Variants in CDHR3 observed in about 807,000 individuals in gnomAD.
CDHR3 encodes cadherin-related family member 3.
A neutral mutation model predicts 86.6 loss-of-function variants in CDHR3; 79 were observed. That is an observed-to-expected ratio of 0.91 (90% confidence interval 0.76 to 1.10). The LOEUF (loss-of-function observed/expected upper bound fraction) is 1.10, where lower values mean the gene tolerates loss of function less well. CDHR3 is among the 50% of genes least tolerant of loss of function. The pLI, the probability that CDHR3 is intolerant of heterozygous loss-of-function variation, is 0.00. For missense variants in CDHR3, 1,081 were observed against 1,077.6 expected, an observed-to-expected ratio of 1.00 and a Z score of -0.04; for synonymous variants, 421 against 402.4, an observed-to-expected ratio of 1.05 and a Z score of -0.55.
intron 8 of CDHR3, among the ~76,000 whole-genome samples, 192 bp from the exon 9 acceptor site, chr7:106,012,661 CCCTCTGG>C (rs1159245913): frequency 6.6e-6 from 1 of 152,150 alleles, no homozygotes; most frequent in Non-Finnish European, 1.5e-5. Context: ...TTAGCAGGAT[CCCTCTGG>C]CCGCTGTGTT....
Position 106,036,381 on chromosome 7 carries a change from A to G in CDHR3, c.*3684A>G, listed in dbSNP as rs1838925902. 6.6e-6 allele frequency: 1 copy of G among 152,234 alleles called. No individual in the cohort carries two copies. The highest frequency in any genetic ancestry group is 2.4e-5 in the African/African-American group (1 of 41,460). The allele number at this position is 152,234 out of a possible 1,614,324, so 9.4% of individuals were successfully genotyped here. A position where few individuals can be genotyped will look rare whatever the true frequency, so the allele number is the denominator to read the frequency against. On this transcript the variant is annotated 3_prime_UTR_variant, in exon 19 of 19. Coordinates refer to ENST00000317716, the MANE Select transcript of CDHR3 (RefSeq NM_152750.5). ...ACTTAGGATTTCTCATTTCAAACTT[A>G]GCGTGTGTTTATCCTTCGTATTCAT...
At chr7:105,990,249 A>G (rs376471848) in intron 4 of CDHR3, among the ~76,000 whole-genome samples, 4 of 152,328 alleles carry the variant, frequency 2.6e-5, no homozygotes, top group East Asian at 3.9e-4. Context: ...TGCATTTGTC[A>G]TCGTGTCTCT....
At chr7:105,988,601 C>T (rs1440944283) in intron 4 of CDHR3, among the ~76,000 whole-genome samples, 1 of 152,196 alleles carries the variant, frequency 6.6e-6, no homozygotes, top group Admixed American at 6.5e-5. Context: ...AACTGTATCA[C>T]AGTTAATGAA....
chr7:105,993,142 C>G (rs1816852887), intron 4 of CDHR3, among the ~76,000 whole-genome samples: 1 of 152,158 alleles, frequency 6.6e-6, no homozygotes, highest in Non-Finnish European at 1.5e-5. Context: ...ATCCAGAGAT[C>G]TAAGGCCTTG....
At chr7:106,027,385 A>G (rs1837522283) in intron 16 of CDHR3, among the ~76,000 whole-genome samples, 1 of 131,390 alleles carries the variant, frequency 7.6e-6, no homozygotes, top group African/African-American at 3.0e-5. Context: ...CGACATAGTG[A>G]GACTCTGTCT....
At position 105,998,789 on chromosome 7, in the gene CDHR3, AAAAAAG is replaced by A. The variant is rs923596568; in HGVS notation, c.713+2453_713+2458del. The stretch of plus-strand genomic sequence containing the variant: ...ACAAGACCAGAACTCCATCTCAAAC[AAAAAAG>A]AAAAAGAAAAAGAAAAAAAAAAAGC... On this transcript the variant is annotated intron_variant, in intron 6 of 18. Transcript: ENST00000317716. Among the ~76,000 whole-genome samples the A allele has an allele frequency of 3.9e-5, 6 of 152,132 alleles. No homozygotes were observed. The East Asian group carries it at 9.6e-4, about 24-fold the overall frequency.
rs199651690 is a variant in CDHR3, at chr7:106,012,976, G to A, written c.1169G>A (p.Gly390Glu). The A allele has an allele frequency of 2.8e-5, 45 of 1,613,450 alleles. No individual in the cohort carries two copies. In the Admixed American group the frequency reaches 4.5e-4, roughly 16 times the overall value. ...AGATTCAACTTCACCATGCCATCTGGAGTGGGGAGCGGCAGCAGATTTTTA... is the reference window on the plus strand; with the variant it reads ...AGATTCAACTTCACCATGCCATCTGAAGTGGGGAGCGGCAGCAGATTTTTA... Reference protein sequence around the residue: ...NNRFNFTMPSGVGSGSRFLQD... With the variant: ...NNRFNFTMPSEVGSGSRFLQD... The change falls in exon 9 of 19, where the codon GGA (glycine) becomes GAA (glutamate). Residue 390 changes from glycine to glutamate, a missense_variant. Transcript: ENST00000317716.
chr7:105,980,888 G>T, intron 2 of CDHR3, 80 bp from the exon 3 acceptor site: 1 of 1,312,418 alleles, frequency 7.6e-7, no homozygotes. Flanking sequence ...TCCTTCCTAG[G>T]AATATCCCTT....
intron 1 of CDHR3, among the ~76,000 whole-genome samples, chr7:105,965,567 A>ACCCCCCCCCCCC (rs56177648): frequency 1.3e-5 from 1 of 78,268 alleles, no homozygotes; most frequent in African/African-American, 3.9e-5. Flanking sequence ...CTCAAGCCCC[A>ACCCCCCCCCCCC]CCCCCCCCCA....
intron 6 of CDHR3, among the ~76,000 whole-genome samples, chr7:105,997,344 G>C (rs113742696): frequency 1.3e-5 from 2 of 152,130 alleles, no homozygotes; most frequent in Non-Finnish European, 2.9e-5. Context: ...CAAAGAATGC[G>C]TCTGCTCCAG....
Position 106,033,090 on chromosome 7 carries a change from A to T in CDHR3, c.*393A>T, listed in dbSNP as rs1431669271. 2 of 175,196 alleles carry T rather than the reference A, an allele frequency of 1.1e-5. No individual in the cohort carries two copies. Among genetic ancestry groups the T allele is most frequent in the Admixed American group, 1.1e-4 (2 of 18,018 alleles). The allele number at this position is 175,196 out of a possible 1,614,324, so 10.9% of individuals were successfully genotyped here. A position where few individuals can be genotyped will look rare whatever the true frequency, so the allele number is the denominator to read the frequency against. On this transcript the variant is annotated 3_prime_UTR_variant, in exon 19 of 19. Transcript: ENST00000317716. Reference sequence around the variant, plus strand: ...TATCCTTACATCTGGTTTCCACCTTATTTTCCTGCCCTCGTTTTAACATCA... The same window carrying T: ...TATCCTTACATCTGGTTTCCACCTTTTTTTCCTGCCCTCGTTTTAACATCA...
Position 106,022,338 on chromosome 7 carries a change from A to G in CDHR3, c.1966A>G (p.Asn656Asp), listed in dbSNP as rs1477000146. 1.2e-6 allele frequency: 2 copies of G among 1,614,040 alleles called. No homozygotes were observed. The highest frequency in any genetic ancestry group is 4.5e-5 in the East Asian group (2 of 44,890). The change falls in exon 14 of 19, where the codon AAC becomes GAC. Residue 656 changes from asparagine to aspartate, a missense_variant. Asn to Asp is a conservative substitution (Grantham distance 23). Coordinates refer to ENST00000317716, the MANE Select transcript of CDHR3 (RefSeq NM_152750.5). ...YKLLVYVTDD[N>D]LMSDRKKAEA... is the part of the protein sequence containing the mutation. ...GCTACTTGTCTACGTAACTGATGAC[A>G]ACTTGATGTCTGACAGGAAGAAAGC...
chr7:105,996,119 C>T (rs972459373), intron 5 of CDHR3, 131 bp from the exon 6 acceptor site: 1 of 587,552 alleles, frequency 1.7e-6, no homozygotes, highest in Non-Finnish European at 3.1e-6. Context: ...ACTGTGGGGG[C>T]ATTACGGAGA....
intron 2 of CDHR3, among the ~76,000 whole-genome samples, chr7:105,977,225 T>G (rs549932455): frequency 5.9e-4 from 90 of 152,362 alleles, no homozygotes; most frequent in Non-Finnish European, 1.2e-3. Flanking sequence ...TGAGATCACA[T>G]AGCCGTAAAA....
intron 12 of CDHR3, 46 bp downstream of exon 12, chr7:106,018,118 C>T: frequency 1.3e-6 from 2 of 1,508,720 alleles, no homozygotes; most frequent in Non-Finnish European, 9.1e-7. Context: ...AACTGGTTGA[C>T]TTAGGGTCTC....
intron 7 of CDHR3, 128 bp downstream of exon 7, chr7:106,001,738 G>T: frequency 8.9e-7 from 1 of 1,118,370 alleles, no homozygotes. Flanking sequence ...CAAAATCCAC[G>T]TATGCTCAAG....
chr7:105,970,807 T>A (rs923390840), intron 1 of CDHR3, among the ~76,000 whole-genome samples: 1 of 152,142 alleles, frequency 6.6e-6, no homozygotes, highest in African/African-American at 2.4e-5. Flanking sequence ...CTTTTACAAA[T>A]AGCAATAGAG....
chr7:106,013,088 T>C, intron 9 of CDHR3, 57 bp downstream of exon 9: 2 of 1,469,770 alleles, frequency 1.4e-6, no homozygotes, highest in Non-Finnish European at 1.8e-6. Context: ...CCAACATGCA[T>C]CATGCTTTTG....
intron 14 of CDHR3, among the ~76,000 whole-genome samples, 175 bp from the exon 15 acceptor site, chr7:106,024,206 A>G (rs941143587): frequency 1.3e-5 from 2 of 152,228 alleles, no homozygotes; most frequent in African/African-American, 4.8e-5. Context: ...GGATGTCTGC[A>G]AAGACTATAA....
Sources: allele counts gnomAD v4.1 joint callset (sites outside exome capture counted in the v4.1 genomes callset), GRCh38; gene constraint gnomAD v4.1.1; transcripts MANE v1.5; gene names NCBI Gene and HGNC (gene_info 2026-07-23, HGNC 2026-07-21).